The following SNUPN variants were observed in gnomAD, a reference collection of about 807,000 sequenced individuals.
The protein encoded by SNUPN is snurportin 1, also known as snurportin-1.
Under a neutral mutation model 39.2 loss-of-function variants are expected in SNUPN, and 31 were observed. That is an observed-to-expected ratio of 0.79 (90% CI 0.59 to 1.07). The LOEUF is 1.07. Among genes scored for constraint, SNUPN ranks in the 50% least tolerant of loss-of-function variants. The pLI is 0.00. For missense variants in SNUPN, 382 were observed against 434.2 expected, an observed-to-expected ratio of 0.88 and a Z score of 1.07; for synonymous variants, 132 against 159.0, an observed-to-expected ratio of 0.83 and a Z score of 1.28.
intron 3 of SNUPN, 75 bp from the exon 4 acceptor site, chr15:75,610,069 T>C: frequency 9.0e-7 from 1 of 1,114,744 alleles, no homozygotes; most frequent in East Asian, 2.4e-5. Context: ...AAGGCATTAA[T>C]ATCCTGTGTG....
At chr15:75,615,415 C>G (rs1259568901) in intron 3 of SNUPN, among the ~76,000 whole-genome samples, 1 of 152,124 alleles carries the variant, frequency 6.6e-6, no homozygotes, top group East Asian at 1.9e-4. Flanking sequence ...ACACCATATA[C>G]TCCTTTCTGG....
chr15:75,609,174 CTTTTTTTTTTTT>C (rs1205961290), intron 5 of SNUPN, among the ~76,000 whole-genome samples: 3 of 89,672 alleles, frequency 3.3e-5, no homozygotes, highest in Non-Finnish European at 7.2e-5. Flanking sequence ...CAAAGTGGGT[CTTTTTTTTTTTT>C]TTTTTTTTTT....
chr15:75,606,132 G>A (rs2075329515), intron 6 of SNUPN, among the ~76,000 whole-genome samples: 2 of 152,144 alleles, frequency 1.3e-5, no homozygotes, highest in African/African-American at 4.8e-5. Flanking sequence ...GCAACAGAGC[G>A]AGACTCCGTC....
intron 2 of SNUPN, among the ~76,000 whole-genome samples, chr15:75,620,572 G>GA (rs1166993789): frequency 3.3e-5 from 5 of 152,186 alleles, no homozygotes; most frequent in African/African-American, 2.4e-5. Flanking sequence ...TGTGGGGAGT[G>GA]AAAGTCTGGG....
In SNUPN at chr15:75,604,795, G is replaced by C. The variant is rs184614123; in HGVS notation, c.678+355C>G. 4.5e-4 allele frequency among the ~76,000 whole-genome samples: 65 copies of C among 145,112 alleles called. 1 individual carries two copies. The highest frequency in any genetic ancestry group is 1.5e-3 in the African/African-American group (63 of 41,156). The stretch of plus-strand genomic sequence containing the variant: ...AGGTAGTGTTTGGTTACATGAATAA[G>C]TTCTTTTGTGGTGATTTCTGAGATT... On this transcript the variant is annotated intron_variant, in intron 7 of 8. Transcript: ENST00000308588.
intron 4 of SNUPN, 115 bp downstream of exon 4, chr15:75,609,775 T>C (rs1892731552): frequency 8.9e-7 from 1 of 1,124,806 alleles, no homozygotes; most frequent in Admixed American, 2.0e-5. Flanking sequence ...TGCAGGAAAG[T>C]GTTTCAAGCT....
chr15:75,607,106 A>T, intron 6 of SNUPN, 110 bp downstream of exon 6: 1 of 777,976 alleles, frequency 1.3e-6, no homozygotes, highest in South Asian at 1.4e-5. Flanking sequence ...GATATACCAC[A>T]TCCTGTGCAC....
intron 8 of SNUPN, chr15:75,600,790 G>T (rs796905697): frequency 4.3e-5 from 10 of 230,104 alleles, no homozygotes; most frequent in African/African-American, 2.3e-4. Context: ...CCAGGGACCT[G>T]GGTCTCAGCT....
chr15:75,624,747 C>A lies in SNUPN; in HGVS notation c.-6+919G>T, dbSNP rs544450363. ...CAAGGCTGTTCTTGGCGGGTTCCTG[C>A]TGTTTCGTTTTGTTTTTTCTTTGTT... On this transcript the variant is annotated intron_variant, in intron 1 of 8. Coordinates refer to ENST00000308588, the MANE Select transcript of SNUPN (RefSeq NM_005701.4). 1.9e-3 allele frequency: 2,410 copies of A among 1,280,602 alleles called. 3 individuals are homozygous for A. Among genetic ancestry groups the A allele is most frequent in the Non-Finnish European group, 2.4e-3 (2,329 of 985,744 alleles). 79.3% of individuals were successfully genotyped at this position (1,280,602 alleles called of 1,614,324 possible).
intron 1 of SNUPN, chr15:75,622,534 C>G: frequency 1.0e-6 from 1 of 959,954 alleles, no homozygotes; most frequent in South Asian, 4.8e-5. Flanking sequence ...ACACTTCATT[C>G]AAGCGCCTGT....
intron 7 of SNUPN, among the ~76,000 whole-genome samples, chr15:75,604,414 G>A (rs1361705657): frequency 5.9e-5 from 9 of 151,864 alleles, no homozygotes; most frequent in Admixed American, 1.3e-4. Flanking sequence ...CACCTGCCTC[G>A]GCCTCCCAAA....
At chr15:75,616,084 G>A (rs1595987349) in intron 3 of SNUPN, among the ~76,000 whole-genome samples, 1 of 151,762 alleles carries the variant, frequency 6.6e-6, no homozygotes, top group Admixed American at 6.6e-5. Flanking sequence ...GATGTTATCT[G>A]TACTGTATTT....
At chr15:75,607,153 A>G in intron 6 of SNUPN, 63 bp downstream of exon 6, 1 of 1,206,426 alleles carries the variant, frequency 8.3e-7, no homozygotes. Context: ...CCACATGCTG[A>G]GCCGCTTTCC....
At chr15:75,620,163 G>C (rs1396149120) in intron 2 of SNUPN, among the ~76,000 whole-genome samples, 1 of 152,140 alleles carries the variant, frequency 6.6e-6, no homozygotes, top group Admixed American at 6.6e-5. Flanking sequence ...AAGCCACCCA[G>C]AGCCACAGGG....
chr15:75,620,876 G>A lies in SNUPN; in HGVS notation c.158+18C>T, dbSNP rs200215037. 1.6e-4 allele frequency: 264 copies of A among 1,610,538 alleles called. No individual in the cohort carries two copies. In the Middle Eastern group the frequency reaches 1.7e-3, roughly 10 times the overall value. The stretch of plus-strand genomic sequence containing the variant: ...TCCTAGCCCAGAGAAAGAAGACAAG[G>A]AGTTAAAGCTTCCTTACGATTTCTG... On this transcript the variant is annotated intron_variant, in intron 2 of 8. Transcript: ENST00000308588.
At chr15:75,624,170 G>A (rs1316685078) in intron 1 of SNUPN, among the ~76,000 whole-genome samples, 1 of 148,992 alleles carries the variant, frequency 6.7e-6, no homozygotes, top group Non-Finnish European at 1.5e-5. Flanking sequence ...CTCGTGATCC[G>A]CCCGCCTCGG....
intron 1 of SNUPN, among the ~76,000 whole-genome samples, chr15:75,622,105 G>A (rs1893089615): frequency 6.6e-6 from 1 of 152,198 alleles, no homozygotes; most frequent in Admixed American, 6.5e-5. Flanking sequence ...GCTCATGCCT[G>A]TAATCCCAGC....
chr15:75,618,190 C>T (rs1203463068), intron 2 of SNUPN, among the ~76,000 whole-genome samples: 1 of 152,192 alleles, frequency 6.6e-6, no homozygotes, highest in Non-Finnish European at 1.5e-5. Context: ...GAGCTGACAC[C>T]TTCCTGCCTA....
At chr15:75,603,054 A>ATT (rs34075827) in intron 7 of SNUPN, among the ~76,000 whole-genome samples, 9 of 137,308 alleles carry the variant, frequency 6.6e-5, no homozygotes, top group Non-Finnish European at 1.1e-4. Context: ...TGGCCCAGGT[A>ATT]TTTTTTTTTT....
Sources: allele counts gnomAD v4.1 joint callset (sites outside exome capture counted in the v4.1 genomes callset), GRCh38; gene constraint gnomAD v4.1.1; transcripts MANE v1.5; gene names NCBI Gene and HGNC (gene_info 2026-07-23, HGNC 2026-07-21).